Variants in PLCH2 observed in about 807,000 individuals in gnomAD.
PLCH2 encodes the protein phospholipase C eta 2, also known as 1-phosphatidylinositol 4,5-bisphosphate phosphodiesterase eta-2.
PLCH2 carries 98 observed loss-of-function variants against 134.7 expected under a neutral mutation model. The ratio of observed to expected loss-of-function variants is 0.73; its 90% CI spans 0.62 to 0.86. PLCH2 has a LOEUF of 0.86. Among genes scored for constraint, PLCH2 ranks in the 40% least tolerant of loss-of-function variants. The pLI is 0.00. For synonymous variants in PLCH2, 974 were observed against 827.5 expected (o/e 1.18, Z -3.04); for missense variants, 1,994 against 1,986.6 (o/e 1.00, Z -0.07).
exon 1 of PLCH2, chr1:2,467,617 G>A (rs983515312): frequency 4.8e-6 from 2 of 412,396 alleles, no homozygotes; most frequent in Non-Finnish European, 8.6e-6. Context: ...GCACCCGCCG[G>A]CCATGGAAGA....
intron 2 of PLCH2, among the ~76,000 whole-genome samples, chr1:2,461,340 G>A (rs1640792631): frequency 6.6e-6 from 1 of 152,222 alleles, no homozygotes; most frequent in South Asian, 2.1e-4. Context: ...CCTTCTGGTG[G>A]TGCCTGAACC....
rs773205735 is a variant in PLCH2 at position 2,498,732 on chromosome 1, C to T, written c.2350-12C>T. 6.9e-6 allele frequency: 11 copies of T among 1,603,670 alleles called. No individual in the cohort carries two copies. The highest frequency in any genetic ancestry group is 2.2e-5 in the East Asian group (1 of 44,504). ...GATGGGCCCTGATGCCACCCCCACTCCTGTGTCCCAGATCATCGACCCCTT... is the reference window on the plus strand; with the variant it reads ...GATGGGCCCTGATGCCACCCCCACTTCTGTGTCCCAGATCATCGACCCCTT... On this transcript the variant is annotated splice_polypyrimidine_tract_variant and intron_variant, in intron 17 of 21. Transcript: ENST00000378486. This position sits in a 1 kb window ranked among gnomAD's most constrained non-coding sequence, Gnocchi z 5.4.
intron 2 of PLCH2, among the ~76,000 whole-genome samples, chr1:2,458,011 A>T (rs1421372590): frequency 6.6e-6 from 1 of 152,128 alleles, no homozygotes. Flanking sequence ...CGCACAGGCA[A>T]GGGGCTGGTG....
At chr1:2,433,029 C>T (rs1639143393) in intron 2 of PLCH2, among the ~76,000 whole-genome samples, 1 of 152,212 alleles carries the variant, frequency 6.6e-6, no homozygotes, top group Non-Finnish European at 1.5e-5. Flanking sequence ...CCCTCCCATC[C>T]CTGAGGTTGG....
chr1:2,443,140 C>T (rs376268917), intron 2 of PLCH2, among the ~76,000 whole-genome samples: 4 of 152,196 alleles, frequency 2.6e-5, no homozygotes, highest in Admixed American at 2.6e-4. Flanking sequence ...AGCTCCCTCC[C>T]CCCAGAGGTG....
chr1:2,424,418 T>G (rs1638670810), upstream of PLCH2, among the ~76,000 whole-genome samples: 1 of 152,208 alleles, frequency 6.6e-6, no homozygotes, highest in Non-Finnish European at 1.5e-5. Flanking sequence ...TCTACCCTGC[T>G]TCTATGAGCT....
chr1:2,499,436 A>G (rs1385124335), intron 19 of PLCH2, among the ~76,000 whole-genome samples: 1 of 151,536 alleles, frequency 6.6e-6, no homozygotes, highest in Non-Finnish European at 1.5e-5. Context: ...CACCCCCAGG[A>G]AGAGGTCCCT....
intron 2 of PLCH2, among the ~76,000 whole-genome samples, chr1:2,433,760 G>A (rs1245490478): frequency 3.3e-5 from 5 of 152,212 alleles, no homozygotes; most frequent in African/African-American, 1.2e-4. Context: ...ACCAGCCATT[G>A]CCATCCACCT....
chr1:2,477,432 G>C (rs1239831493), intron 1 of PLCH2, among the ~76,000 whole-genome samples: 1 of 152,232 alleles, frequency 6.6e-6, no homozygotes, highest in African/African-American at 2.4e-5. Flanking sequence ...GGCCCGGCCA[G>C]TACTGCCCTT....
Position 2,499,171 on chromosome 1 carries a change from A to G in PLCH2, c.2522A>G (p.Asp841Gly). The change falls in exon 19 of 22, where the codon GAT becomes GGT. Residue 841 changes from aspartate (D) to glycine (G), a missense_variant. Transcript: ENST00000378486. Reference sequence around the variant, plus strand: ...GTCCGCTTCCTCGTCTGGGACCACGATCCCATCGGGCGTGACTTCATTGGC... The same window carrying G: ...GTCCGCTTCCTCGTCTGGGACCACGGTCCCATCGGGCGTGACTTCATTGGC... Reference protein sequence around the residue: ...ALVRFLVWDHDPIGRDFIGQR... With the variant: ...ALVRFLVWDHGPIGRDFIGQR... The G allele has an allele frequency of 6.2e-7, 1 of 1,613,186 alleles. No homozygotes were observed. Among genetic ancestry groups the G allele is most frequent in the Non-Finnish European group, 8.5e-7 (1 of 1,179,778 alleles).
At chr1:2,496,387 C>T (rs113235437) in intron 13 of PLCH2, among the ~76,000 whole-genome samples, 98 of 152,336 alleles carry the variant, frequency 6.4e-4, no homozygotes, top group African/African-American at 2.2e-3. Context: ...GCACACAGTG[C>T]CTAGGGACTT....
At chr1:2,443,388 C>A (rs551487857) in intron 2 of PLCH2, among the ~76,000 whole-genome samples, 1 of 152,164 alleles carries the variant, frequency 6.6e-6, no homozygotes, top group Non-Finnish European at 1.5e-5. Context: ...GTCGCCGGGG[C>A]CCCTGTCTTG....
chr1:2,470,926 C>T (rs1216496379), intron 1 of PLCH2, among the ~76,000 whole-genome samples: 1 of 152,224 alleles, frequency 6.6e-6, no homozygotes, highest in Non-Finnish European at 1.5e-5. Context: ...AGCCCCAGGC[C>T]AGGTGGGTGC....
chr1:2,488,272 G>T (rs1045749740), intron 8 of PLCH2, among the ~76,000 whole-genome samples: 4 of 152,194 alleles, frequency 2.6e-5, no homozygotes, highest in African/African-American at 9.7e-5. Flanking sequence ...ACAGTCTCGA[G>T]CTGGCCCCAT....
At chr1:2,479,552 G>C (rs1222416755) in intron 2 of PLCH2, 182 bp from the exon 3 acceptor site, 1 of 606,842 alleles carries the variant, frequency 1.6e-6, no homozygotes, top group Non-Finnish European at 2.9e-6. Context: ...AGCAGTGGGG[G>C]GCTGTGCAGT....
intron 5 of PLCH2, among the ~76,000 whole-genome samples, chr1:2,485,977 G>A (rs145398597): frequency 6.6e-6 from 1 of 152,244 alleles, no homozygotes; most frequent in Non-Finnish European, 1.5e-5. Flanking sequence ...CTGCAGGCAT[G>A]ACACCCGGGA....
Position 2,505,402 on chromosome 1 carries a change from C to CTGT in PLCH2, c.*189_*190insTGT. ...AGGCTAAAGCTGCTGGCCCGGGGCC[C>CTGT]ACAGGAGGGGCTTCGAGGCTGGCCC... On this transcript the variant is annotated 3_prime_UTR_variant, in exon 22 of 22. Coordinates refer to ENST00000378486, the MANE Select transcript of PLCH2 (RefSeq NM_014638.4). 1.7e-6 allele frequency: 1 copy of CTGT among 573,648 alleles called. No individual in the cohort carries two copies. The highest frequency in any genetic ancestry group is 3.1e-5 in the East Asian group (1 of 32,618). 35.5% of individuals were successfully genotyped at this position (573,648 alleles called of 1,614,324 possible). A position where few individuals can be genotyped will look rare whatever the true frequency, so the allele number is the denominator to read the frequency against.
At chr1:2,436,573 C>CCTCCCTCCACCTTTCCTCCTTT (rs1639433064) in intron 2 of PLCH2, among the ~76,000 whole-genome samples, 2 of 125,410 alleles carry the variant, frequency 1.6e-5, no homozygotes, top group Non-Finnish European at 3.4e-5. Flanking sequence ...TTTCCTCCTT[C>CCTCCCTCCACCTTTCCTCCTTT]CTCCCTCCTC....
At chr1:2,423,780 T>C (rs1308084608), upstream of PLCH2, among the ~76,000 whole-genome samples, 1 of 152,208 alleles carries the variant, frequency 6.6e-6, no homozygotes, top group Non-Finnish European at 1.5e-5. Context: ...AGTTGTTCTC[T>C]CTATGGTAGT....
Sources: gnomAD v4.1 joint callset for allele counts (sites outside exome capture counted in the v4.1 genomes callset) on GRCh38, gnomAD v4.1.1 for gene constraint, Gnocchi (gnomAD v3.1) non-coding constraint, MANE v1.5 for transcripts, NCBI Gene and HGNC (gene_info 2026-07-23, HGNC 2026-07-21) for gene names.